The following SLC35E4 variants were observed in gnomAD, a reference collection of about 807,000 sequenced individuals.
SLC35E4 encodes the protein solute carrier family 35 member E4, also known as solute carrier family 35, member E4.
A neutral mutation model predicts 19.3 loss-of-function variants in SLC35E4; 15 were observed. The ratio of observed to expected loss-of-function variants is 0.78; its 90% CI spans 0.52 to 1.20. The LOEUF (loss-of-function observed/expected upper bound fraction) is 1.20. SLC35E4 is among the 50% of genes most tolerant of loss of function. SLC35E4 has a pLI of 0.00. For synonymous variants in SLC35E4, 219 were observed against 219.9 expected (o/e 1.00, Z 0.04); for missense variants, 406 against 472.3 (o/e 0.86, Z 1.30).
intron 2 of SLC35E4, among the ~76,000 whole-genome samples, chr22:30,659,540 A>T (rs983507234): frequency 6.6e-6 from 1 of 151,938 alleles, no homozygotes; most frequent in Non-Finnish European, 1.5e-5. Context: ...CATCCAGCTA[A>T]TTTTTTGTAT....
intron 2 of SLC35E4, among the ~76,000 whole-genome samples, chr22:30,657,906 AAATAATAATAATAATAATAATAAT>A (rs56297954): frequency 1.5e-5 from 2 of 129,960 alleles, no homozygotes; most frequent in African/African-American, 2.9e-5. Flanking sequence ...TCTGTCTCAA[AAATAATAATAATAATAATAATAAT>A]AATAATAATA....
intron 1 of SLC35E4, among the ~76,000 whole-genome samples, chr22:30,639,786 T>C (rs1323977240): frequency 6.6e-6 from 1 of 152,242 alleles, no homozygotes; most frequent in Non-Finnish European, 1.5e-5. Context: ...ATCCTGTTCT[T>C]TCAAGGTGCC....
downstream of SLC35E4, chr22:30,667,921 T>G (rs893019162): frequency 5.9e-5 from 9 of 152,452 alleles, no homozygotes; most frequent in Non-Finnish European, 1.2e-4. Context: ...CCCTTATGCG[T>G]CTCCCAGGCA....
At chr22:30,667,159 C>A (rs2088703952), downstream of SLC35E4, 1 of 152,116 alleles carries the variant, frequency 6.6e-6, no homozygotes, top group African/African-American at 2.4e-5. Flanking sequence ...CTAATCAGAC[C>A]GGCGTCTAGA....
At chr22:30,667,826 G>C (rs1180435228), downstream of SLC35E4, 1 of 152,608 alleles carries the variant, frequency 6.6e-6, no homozygotes. Flanking sequence ...GGTCGCACCA[G>C]GGCTGCAGCC....
Position 30,647,190 on chromosome 22 carries a change from G to A in SLC35E4, c.*159G>A. 1 of 876,704 alleles carries A rather than the reference G, an allele frequency of 1.1e-6. No individual in the cohort carries two copies. The highest frequency in any genetic ancestry group is 1.7e-6 in the Non-Finnish European group (1 of 593,690). The allele number at this position is 876,704 out of a possible 1,614,324, so 54.3% of individuals were successfully genotyped here. A position where few individuals can be genotyped will look rare whatever the true frequency, so the allele number is the denominator to read the frequency against. ...AGGTGGGTGGATCACCTGAGGCCAG[G>A]AGTTCGAGACCAGCCTGGCTAACAT... On this transcript the variant is annotated 3_prime_UTR_variant, in exon 2 of 2. Coordinates refer to ENST00000343605, the MANE Select transcript of SLC35E4 (RefSeq NM_001001479.4).
chr22:30,655,451 AAAAG>A (rs1399835695), intron 2 of SLC35E4, among the ~76,000 whole-genome samples: 12 of 151,288 alleles, frequency 7.9e-5, no homozygotes, highest in Non-Finnish European at 1.6e-4. Flanking sequence ...AAAAAAAAGA[AAAAG>A]AAAAAAAGAA....
chr22:30,649,209 G>A (rs1263182465), downstream of SLC35E4: 17 of 716,974 alleles, frequency 2.4e-5, no homozygotes, highest in East Asian at 4.6e-4. Context: ...CTATGGAGAG[G>A]GTTCGAATGA....
At chr22:30,661,190 C>T (rs5997729) in intron 2 of SLC35E4, among the ~76,000 whole-genome samples, 4,184 of 152,188 alleles carry the variant, frequency 0.027, 79 homozygotes, top group African/African-American at 0.04. Flanking sequence ...AAAAAATCTA[C>T]AATAGCCACC....
At chr22:30,663,424 C>T (rs893879557), downstream of SLC35E4, 1 of 1,596,426 alleles carries the variant, frequency 6.3e-7, no homozygotes. Context: ...AATGCAGGGG[C>T]TCGTGGGATG....
chr22:30,655,134 G>C (rs993107712), intron 2 of SLC35E4, among the ~76,000 whole-genome samples: 1 of 152,054 alleles, frequency 6.6e-6, no homozygotes, highest in Non-Finnish European at 1.5e-5. Flanking sequence ...TGCAGGGTCT[G>C]GCCCAGGGTT....
intron 1 of SLC35E4, among the ~76,000 whole-genome samples, chr22:30,643,346 G>T (rs2088077163): frequency 6.6e-6 from 1 of 152,238 alleles, no homozygotes; most frequent in South Asian, 2.1e-4. Context: ...AGTCAAAGTG[G>T]TCACACGTGT....
chr22:30,636,726 G>A lies in SLC35E4; in HGVS notation c.276G>A (p.Leu92=). 3 of 1,611,844 alleles carry A rather than the reference G, an allele frequency of 1.9e-6. No homozygotes were observed. Among genetic ancestry groups the A allele is most frequent in the Non-Finnish European group, 2.5e-6 (3 of 1,179,156 alleles). Residue 92 remains leucine (L), a synonymous_variant, in exon 1 of 2, where the codon CTG becomes CTA. Coordinates refer to ENST00000343605, the MANE Select transcript of SLC35E4 (RefSeq NM_001001479.4). ...CCCTGCACATGCTGGTGGCAGCCCT[G>A]GCATGCCACCGGGGGGCACGGCGCC... ...LSALHMLVAA[L]ACHRGARRPM...
Position 30,636,430 on chromosome 22 carries a change from G to GC in SLC35E4, c.-18dup. ...GTCGTCACTGGGGAGCCCGCCTCCT[G>GC]CCCTAGCCTCACTGGTGCGGATGTG... is the stretch of plus-strand genomic sequence containing the variant. On this transcript the variant is annotated 5_prime_UTR_variant, in exon 1 of 2. Transcript: ENST00000343605. 3 of 1,466,752 alleles carry GC rather than the reference G, an allele frequency of 2.0e-6. No individual in the cohort carries two copies. Among genetic ancestry groups the GC allele is most frequent in the Non-Finnish European group, 2.7e-6 (3 of 1,104,002 alleles). 90.9% of individuals were successfully genotyped at this position (1,466,752 alleles called of 1,614,324 possible). A position where few individuals can be genotyped will look rare whatever the true frequency, so the allele number is the denominator to read the frequency against.
Position 30,647,167 on chromosome 22 carries a change from G to GT in SLC35E4, c.*137dup, listed in dbSNP as rs2088149109. ...AATCCCAGCACTTCCAGAGTCCGAG[G>GT]TGGGTGGATCACCTGAGGCCAGGAG... On this transcript the variant is annotated 3_prime_UTR_variant, in exon 2 of 2. Coordinates refer to ENST00000343605, the MANE Select transcript of SLC35E4 (RefSeq NM_001001479.4). 1 of 1,118,838 alleles carries GT rather than the reference G, an allele frequency of 8.9e-7. No homozygotes were observed. The highest frequency in any genetic ancestry group is 1.2e-6 in the Non-Finnish European group (1 of 812,026). 69.3% of individuals were successfully genotyped at this position (1,118,838 alleles called of 1,614,324 possible). A position where few individuals can be genotyped will look rare whatever the true frequency, so the allele number is the denominator to read the frequency against.
intron 1 of SLC35E4, among the ~76,000 whole-genome samples, chr22:30,641,035 C>T (rs73170819): frequency 0.025 from 3,798 of 152,316 alleles, 63 homozygotes; most frequent in African/African-American, 0.04. Flanking sequence ...CCTCAGGTTA[C>T]ATGAGAGCTA....
intron 2 of SLC35E4, among the ~76,000 whole-genome samples, chr22:30,655,961 T>C (rs1405461574): frequency 6.6e-6 from 1 of 151,880 alleles, no homozygotes; most frequent in Non-Finnish European, 1.5e-5. Context: ...TTTCATTCAT[T>C]TATTGAGGCA....
downstream of SLC35E4, chr22:30,667,274 T>C (rs888307734): frequency 6.6e-6 from 1 of 152,198 alleles, no homozygotes; most frequent in African/African-American, 2.4e-5. Context: ...TGGTCCATTA[T>C]GTGTGGGAAA....
chr22:30,666,226 G>A (rs1203356582), downstream of SLC35E4, among the ~76,000 whole-genome samples: 1 of 152,192 alleles, frequency 6.6e-6, no homozygotes, highest in Non-Finnish European at 1.5e-5. Flanking sequence ...CGGGAATAGA[G>A]GAATGTGCTG....
Sources: gnomAD v4.1 joint callset for allele counts (sites outside exome capture counted in the v4.1 genomes callset) on GRCh38, gnomAD v4.1.1 for gene constraint, MANE v1.5 for transcripts, NCBI Gene and HGNC (gene_info 2026-07-23, HGNC 2026-07-21) for gene names.